RADIL: variants seen among roughly 807,000 people sequenced by gnomAD.
RADIL encodes the protein Rap associating with DIL domain, also known as ras-associating and dilute domain-containing protein.
RADIL carries 99 observed loss-of-function variants against 97.6 expected under a neutral mutation model. The ratio of observed to expected loss-of-function variants is 1.01; its 90% CI spans 0.86 to 1.20. The LOEUF (loss-of-function observed/expected upper bound fraction) is 1.20, where lower values mean the gene tolerates loss of function less well. Ranked by LOEUF, RADIL falls within the 50% of genes most tolerant of loss-of-function variation. The pLI, the probability that RADIL is intolerant of heterozygous loss-of-function variation, is 0.00. For missense variants in RADIL, 1,765 were observed against 1,498.9 expected (o/e 1.18, Z -2.93); for synonymous variants, 803 against 691.8 (o/e 1.16, Z -2.52).
At position 4,834,877 on chromosome 7, in the gene RADIL, G is replaced by T; in HGVS notation, c.1146C>A (p.Cys382Ter). The change falls in exon 4 of 15, where the codon TGC becomes TGA. Residue 382 changes from cysteine (C) to a stop codon, truncating the protein, a stop_gained. Transcript: ENST00000399583. LOFTEE classifies it high-confidence loss of function. The surrounding 1 kb of genome is among the most constrained non-coding windows in gnomAD (Gnocchi z 6.0). The stretch of plus-strand genomic sequence containing the variant: ...CTCCCCGGGCCCCGAGCGCGGCCCC[G>T]CACAGCCGGCAGCTCTGCGGCACAG... ...LRAVPQSCRL[C>*]GAALGARGAA... 3 of 1,424,038 alleles carry T rather than the reference G, an allele frequency of 2.1e-6. No individual in the cohort carries two copies. Among genetic ancestry groups the T allele is most frequent in the Non-Finnish European group, 2.7e-6 (3 of 1,091,498 alleles). 88.2% of individuals were successfully genotyped at this position (1,424,038 alleles called of 1,614,324 possible). A position where few individuals can be genotyped will look rare whatever the true frequency, so the allele number is the denominator to read the frequency against.
intron 2 of RADIL, among the ~76,000 whole-genome samples, chr7:4,876,790 G>A (rs1784386891): frequency 6.6e-6 from 1 of 152,180 alleles, no homozygotes; most frequent in Admixed American, 6.5e-5. Flanking sequence ...GCCCTCCTCA[G>A]GAAGGCCTCC....
At chr7:4,855,641 A>G (rs1783810030) in intron 2 of RADIL, among the ~76,000 whole-genome samples, 2 of 146,856 alleles carry the variant, frequency 1.4e-5, no homozygotes, top group South Asian at 2.1e-4. Flanking sequence ...AAAAAAAAAA[A>G]AAAAAAGAAA....
At chr7:4,865,921 T>C in intron 2 of RADIL, 2 of 606,402 alleles carry the variant, frequency 3.3e-6, no homozygotes, top group Non-Finnish European at 5.9e-6. Context: ...TATACAGAAA[T>C]ATACTGTAGA....
At chr7:4,805,026 G>A (rs544103653) in intron 10 of RADIL, among the ~76,000 whole-genome samples, 1 of 152,228 alleles carries the variant, frequency 6.6e-6, no homozygotes, top group East Asian at 1.9e-4. Context: ...CCTGGGAGGT[G>A]GAGGTTGCAG....
At chr7:4,861,920 G>T in intron 2 of RADIL, 1 of 659,150 alleles carries the variant, frequency 1.5e-6, no homozygotes, top group Non-Finnish European at 2.3e-6. Context: ...AGCTGCCCTG[G>T]TCCGACCCCA....
chr7:4,865,379 T>C (rs1784108744), intron 2 of RADIL: 2 of 610,224 alleles, frequency 3.3e-6, no homozygotes, highest in African/African-American at 1.9e-5. Flanking sequence ...TTTGTTGTTG[T>C]TCCCAAGTTT....
chr7:4,801,641 G>A lies in RADIL; in HGVS notation c.2842+12C>T, dbSNP rs770810396. 7.6e-6 allele frequency: 12 copies of A among 1,584,600 alleles called. No homozygotes were observed. The highest frequency in any genetic ancestry group is 3.5e-5 in the Admixed American group (2 of 56,364). The stretch of plus-strand genomic sequence containing the variant: ...GGGGTGGGTTCCCGCCTGAGCACCA[G>A]GCAGGGCTCACCTTCCGGAGCTGCA... On this transcript the variant is annotated intron_variant, in intron 12 of 14. Coordinates refer to ENST00000399583, the MANE Select transcript of RADIL (RefSeq NM_018059.5).
rs1781965180 is a variant in RADIL, at chr7:4,797,914, C to CA, written c.*1463dup. On this transcript the variant is annotated 3_prime_UTR_variant, in exon 15 of 15. Transcript: ENST00000399583. ...GCTTGAACCTGGGAGGTGGAGGTTG[C>CA]AGTGAGCTGAGATTGCACCACTGCA... 6.6e-6 allele frequency: 1 copy of CA among 151,838 alleles called. No homozygotes were observed. The highest frequency in any genetic ancestry group is 2.1e-4 in the South Asian group (1 of 4,810). 9.4% of individuals were successfully genotyped at this position (151,838 alleles called of 1,614,324 possible).
At position 4,799,732 on chromosome 7, in the gene RADIL, G is replaced by T. The variant is rs963774349; in HGVS notation, c.3020C>A (p.Thr1007Asn). The stretch of plus-strand genomic sequence containing the variant: ...CGCTGCGGGGCTGCCCGGGAGCAGG[G>T]TCTGGATGTAGAGCCCGGGGGCGCC... ...HLGAPGLYIQ[T>N]LLPGSPAAAD... Residue 1007 changes from threonine (T) to asparagine (N), a missense_variant, in exon 14 of 15, where the codon ACC (threonine) becomes AAC (asparagine). Transcript: ENST00000399583. 1 of 1,560,890 alleles carries T rather than the reference G, an allele frequency of 6.4e-7. No homozygotes were observed. Among genetic ancestry groups the T allele is most frequent in the Admixed American group, 1.9e-5 (1 of 52,776 alleles).
chr7:4,833,506 G>A (rs986748784), intron 4 of RADIL, among the ~76,000 whole-genome samples: 2 of 152,200 alleles, frequency 1.3e-5, no homozygotes, highest in Non-Finnish European at 2.9e-5. Context: ...AAGAGGCACG[G>A]ACACCCAGAT....
At chr7:4,861,860 G>GTCCCCCACCACCGCGACCTTCA in intron 2 of RADIL, 6 of 544,560 alleles carry the variant, frequency 1.1e-5, no homozygotes, top group Non-Finnish European at 1.2e-5. Context: ...CGCGACCTTC[G>GTCCCCCACCACCGCGACCTTCA]CGGCCGCCGC....
At chr7:4,882,630 G>C (rs1784509580) in intron 1 of RADIL, among the ~76,000 whole-genome samples, 1 of 152,170 alleles carries the variant, frequency 6.6e-6, no homozygotes, top group Admixed American at 6.5e-5. Flanking sequence ...GGAAAACGAA[G>C]CGCAGACTTT....
Position 4,799,393 on chromosome 7 carries a change from G to A in RADIL, c.3213C>T (p.Arg1071=), listed in dbSNP as rs763548174. Residue 1071 remains arginine, a synonymous_variant, in exon 15 of 15, where the codon CGC becomes CGT. Transcript: ENST00000399583. ...CGCAGCCCCCCTAGAGAGGGGGCGT[G>A]CGGAAATGGATCTTCTTGGCTGTTT... ...DVETAKKIHF[R]TPPL is the part of the protein sequence containing the mutation. 4.3e-5 allele frequency: 69 copies of A among 1,613,638 alleles called. No individual in the cohort carries two copies. In the Middle Eastern group the frequency reaches 4.9e-4, roughly 12 times the overall value.
rs77532656 is a variant in RADIL, at chr7:4,877,530, C to A, written c.535+75G>T. 2,056 of 1,498,218 alleles carry A rather than the reference C, an allele frequency of 1.4e-3. 31 individuals carry two copies. The East Asian group carries it at 0.038, about 27-fold the overall frequency. 92.8% of individuals were successfully genotyped at this position (1,498,218 alleles called of 1,614,324 possible). On this transcript the variant is annotated intron_variant, in intron 2 of 14. Coordinates refer to ENST00000399583, the MANE Select transcript of RADIL (RefSeq NM_018059.5). The stretch of plus-strand genomic sequence containing the variant: ...CCCCACGCATGTCCCCTGCACCACT[C>A]CTTCTCCGCCTACCTCGGCTGGCCT...
intron 14 of RADIL, 21 bp downstream of exon 14, chr7:4,799,609 G>A: frequency 6.2e-7 from 1 of 1,605,830 alleles, no homozygotes; most frequent in Non-Finnish European, 8.5e-7. Context: ...AAGGGGCCGG[G>A]CGTGCATGCG....
rs528003180 is a variant in RADIL, at chr7:4,822,306, C to T, written c.1615+88G>A. On this transcript the variant is annotated intron_variant, in intron 6 of 14. Coordinates refer to ENST00000399583, the MANE Select transcript of RADIL (RefSeq NM_018059.5). The surrounding 1 kb of genome is among the most constrained non-coding windows in gnomAD (Gnocchi z 5.3). The stretch of plus-strand genomic sequence containing the variant: ...CATGAATCCACCCCTGCTATCATGG[C>T]CAACTAGGTTCCGAGGACGGCGAGG... 77 of 1,425,060 alleles carry T rather than the reference C, an allele frequency of 5.4e-5. No individual in the cohort carries two copies. In the African/African-American group the frequency reaches 9.9e-4, roughly 18 times the overall value. 88.3% of individuals were successfully genotyped at this position (1,425,060 alleles called of 1,614,324 possible).
chr7:4,870,111 GCCTGGGCAACAGAGTAAGTC>G (rs1217551035), intron 2 of RADIL, among the ~76,000 whole-genome samples: 6 of 152,220 alleles, frequency 3.9e-5, no homozygotes, highest in Non-Finnish European at 2.9e-5. Context: ...CTGCACGCTA[GCCTGGGCAACAGAGTAAGTC>G]CCTGTCTCAA....
chr7:4,847,792 G>T (rs10238698), intron 2 of RADIL, among the ~76,000 whole-genome samples: 1 of 115,146 alleles, frequency 8.7e-6, no homozygotes, highest in Admixed American at 9.8e-5. Flanking sequence ...CTATATATAC[G>T]AAATATCTGG....
rs1456327531 is a variant in RADIL at position 4,837,030 on chromosome 7, C to T, written c.536-425G>A. The stretch of plus-strand genomic sequence containing the variant: ...TAAGCCACGTCTCCTAATGCCGTTA[C>T]TGTTCTGTCAAAACAGGTCTGGTGG... On this transcript the variant is annotated intron_variant, in intron 2 of 14. Transcript: ENST00000399583. The surrounding 1 kb of genome is among the most constrained non-coding windows in gnomAD (Gnocchi z 5.6). Among the ~76,000 whole-genome samples, 11 of 152,316 alleles carry T rather than the reference C, an allele frequency of 7.2e-5. No individual in the cohort carries two copies. Among genetic ancestry groups the T allele is most frequent in the Non-Finnish European group, 1.5e-5 (1 of 68,026 alleles).
Sources: gnomAD v4.1 joint callset for allele counts (sites outside exome capture counted in the v4.1 genomes callset) on GRCh38, gnomAD v4.1.1 for gene constraint, Gnocchi (gnomAD v3.1) non-coding constraint, MANE v1.5 for transcripts, NCBI Gene and HGNC (gene_info 2026-07-23, HGNC 2026-07-21) for gene names.